MED26: variants seen among roughly 807,000 people sequenced by gnomAD.
The protein encoded by MED26 is mediator of RNA polymerase II transcription subunit 26.
A neutral mutation model predicts 43.7 loss-of-function variants in MED26; 7 were observed. The ratio of observed to expected loss-of-function variants is 0.16; its 90% CI spans 0.09 to 0.30. The LOEUF is 0.30. MED26 is among the 10% of genes least tolerant of loss of function. The probability of loss-of-function intolerance (pLI) is 1.00; values close to 1 mark genes in which losing one functional copy is unlikely to be tolerated. For missense variants in MED26, 784 were observed against 840.6 expected (o/e 0.93, Z 0.83); for synonymous variants, 375 against 371.1 (o/e 1.01, Z -0.12).
At position 16,586,672 on chromosome 19, in the gene MED26, G is replaced by C. The variant is rs953089482; in HGVS notation, c.73-8263C>G. Among the ~76,000 whole-genome samples the C allele has an allele frequency of 6.6e-6, 1 of 152,188 alleles. No individual in the cohort carries two copies. Among genetic ancestry groups the C allele is most frequent in the African/African-American group, 2.4e-5 (1 of 41,436 alleles). ...CCACTCCCCACCGGGCTGGCCCTGG[G>C]AACAGTGCACATGGAGCACAGACTG... On this transcript the variant is annotated intron_variant, in intron 1 of 2. Transcript: ENST00000263390. This position sits in a 1 kb window ranked among gnomAD's most constrained non-coding sequence, Gnocchi z 5.1.
intron 1 of MED26, among the ~76,000 whole-genome samples, chr19:16,605,946 C>T (rs1408400449): frequency 1.3e-5 from 2 of 152,204 alleles, no homozygotes; most frequent in African/African-American, 2.4e-5. Context: ...TCACTGTGTG[C>T]GGATATTCGT....
Position 16,620,678 on chromosome 19 carries a change from T to C in MED26, c.72+7194A>G, listed in dbSNP as rs906543054. Among the ~76,000 whole-genome samples, 10 of 152,322 alleles carry C rather than the reference T, an allele frequency of 6.6e-5. 1 individual carries two copies. In the South Asian group the frequency reaches 2.1e-3, roughly 32 times the overall value. Reference sequence around the variant, plus strand: ...GGTTCCTGAGGGAGACGGTCTTGGATTAAGCCAGGTAAGGTTTCAGAAAAG... The same window carrying C: ...GGTTCCTGAGGGAGACGGTCTTGGACTAAGCCAGGTAAGGTTTCAGAAAAG... On this transcript the variant is annotated intron_variant, in intron 1 of 2. Coordinates refer to ENST00000263390, the MANE Select transcript of MED26 (RefSeq NM_004831.5).
chr19:16,600,895 G>A (rs2086145392), intron 1 of MED26, among the ~76,000 whole-genome samples: 1 of 152,108 alleles, frequency 6.6e-6, no homozygotes, highest in Non-Finnish European at 1.5e-5. Flanking sequence ...GGAGTTCAAG[G>A]CCAGCCTGGC....
At position 16,627,929 on chromosome 19, in the gene MED26, C is replaced by G. The variant is rs1280943125; in HGVS notation, c.15G>C (p.Pro5=). The change falls in exon 1 of 3, where the codon CCG becomes CCC. Residue 5 remains proline (P), a synonymous_variant. Coordinates refer to ENST00000263390, the MANE Select transcript of MED26 (RefSeq NM_004831.5). MTAA[P]ASPQQIRDRL... is the part of the protein sequence containing the mutation. ...GGTCCCTGATCTGCTGCGGAGACGC[C>G]GGAGCCGCTGTCATTGCCTGGGCGA... The G allele has an allele frequency of 6.7e-7, 1 of 1,486,278 alleles. No homozygotes were observed. Among genetic ancestry groups the G allele is most frequent in the Admixed American group, 2.2e-5 (1 of 46,008 alleles). 92.1% of individuals were successfully genotyped at this position (1,486,278 alleles called of 1,614,324 possible).
intron 1 of MED26, among the ~76,000 whole-genome samples, chr19:16,621,436 T>C (rs1450403817): frequency 1.3e-5 from 2 of 152,336 alleles, no homozygotes; most frequent in Non-Finnish European, 2.9e-5. Flanking sequence ...TAACTCTGCA[T>C]GCAGGGGAAA....
At chr19:16,627,637 T>C (rs1415356557) in intron 1 of MED26, among the ~76,000 whole-genome samples, 1 of 152,210 alleles carries the variant, frequency 6.6e-6, no homozygotes, top group African/African-American at 2.4e-5. Flanking sequence ...CTCCCCCGTC[T>C]GCTTCCTCCG....
chr19:16,605,816 T>C (rs1262177679), intron 1 of MED26, among the ~76,000 whole-genome samples: 1 of 152,180 alleles, frequency 6.6e-6, no homozygotes, highest in Non-Finnish European at 1.5e-5. Flanking sequence ...ATTCATCCTG[T>C]AAATGGATGA....
In MED26 at chr19:16,587,322, C is replaced by G. The variant is rs1055134195; in HGVS notation, c.73-8913G>C. 2 of 152,344 alleles carry G rather than the reference C, an allele frequency of 1.3e-5. No individual in the cohort carries two copies. The highest frequency in any genetic ancestry group is 2.4e-5 in the African/African-American group (1 of 41,426). The allele number at this position is 152,344 out of a possible 1,614,324, so 9.4% of individuals were successfully genotyped here. A position where few individuals can be genotyped will look rare whatever the true frequency, so the allele number is the denominator to read the frequency against. On this transcript the variant is annotated intron_variant, in intron 1 of 2. Transcript: ENST00000263390. The surrounding 1 kb of genome is among the most constrained non-coding windows in gnomAD (Gnocchi z 4.9). Reference sequence around the variant, plus strand: ...CAAGAGGCGGCACCTGCATCCCCACCCCACCTCCACCCCAAGACCCCAGCT... The same window carrying G: ...CAAGAGGCGGCACCTGCATCCCCACGCCACCTCCACCCCAAGACCCCAGCT...
At chr19:16,624,865 T>A (rs140391743) in intron 1 of MED26, among the ~76,000 whole-genome samples, 1 of 152,306 alleles carries the variant, frequency 6.6e-6, no homozygotes, top group Non-Finnish European at 1.5e-5. Flanking sequence ...GCCTAATGCT[T>A]CTGCTCTAGA....
chr19:16,588,424 G>A (rs758471560), intron 1 of MED26: 1 of 152,374 alleles, frequency 6.6e-6, no homozygotes, highest in Non-Finnish European at 1.5e-5. Context: ...CAAGCACAGA[G>A]ATGCACACAA....
chr19:16,599,285 G>A (rs1009762492), intron 1 of MED26, among the ~76,000 whole-genome samples: 19 of 152,114 alleles, frequency 1.2e-4, no homozygotes, highest in Non-Finnish European at 2.1e-4. Context: ...TCACCTACAA[G>A]CCCATAAAGT....
chr19:16,577,662 G>A lies in MED26; in HGVS notation c.168C>T (p.Leu56=). The part of the protein sequence containing the change: ...EALEETRLGK[L]INDVRKKTKN... ...TGGTTTTCTTGCGGACGTCGTTGAT[G>A]AGCTTCCCAAGTCGTGTTTCCTACA... Residue 56 remains leucine, a synonymous_variant, in exon 3 of 3, where the codon CTC becomes CTT. Transcript: ENST00000263390. The surrounding 1 kb of genome is among the most constrained non-coding windows in gnomAD (Gnocchi z 8.1). The A allele has an allele frequency of 1.3e-6, 2 of 1,578,018 alleles. No individual in the cohort carries two copies. Among genetic ancestry groups the A allele is most frequent in the African/African-American group, 1.4e-5 (1 of 73,634 alleles).
rs540050626 is a variant in MED26, at chr19:16,627,817, G to A, written c.72+55C>T. 4 of 1,334,488 alleles carry A rather than the reference G, an allele frequency of 3.0e-6. No individual in the cohort carries two copies. In the South Asian group the frequency reaches 4.5e-5, roughly 15 times the overall value. The allele number at this position is 1,334,488 out of a possible 1,614,324, so 82.7% of individuals were successfully genotyped here. A position where few individuals can be genotyped will look rare whatever the true frequency, so the allele number is the denominator to read the frequency against. ...CGGTGGGCGAGGGGTACAGGAGAGG[G>A]GGAGGGTCCCGGGCCCATGCGGCCT... On this transcript the variant is annotated intron_variant, in intron 1 of 2. Coordinates refer to ENST00000263390, the MANE Select transcript of MED26 (RefSeq NM_004831.5).
In MED26 at chr19:16,577,809, C is replaced by T; in HGVS notation, c.148-127G>A. On this transcript the variant is annotated intron_variant, in intron 2 of 2. Transcript: ENST00000263390. This position sits in a 1 kb window ranked among gnomAD's most constrained non-coding sequence, Gnocchi z 8.1. ...TTCCCACTGAGCCCTAAACTGCCAG[C>T]TTCCCTGACACAAAACTTCTGGGGA... 1.6e-6 allele frequency: 1 copy of T among 644,420 alleles called. No homozygotes were observed. The allele number at this position is 644,420 out of a possible 1,614,324, so 39.9% of individuals were successfully genotyped here.
At chr19:16,591,573 C>A (rs1246526697) in intron 1 of MED26, among the ~76,000 whole-genome samples, 2 of 152,182 alleles carry the variant, frequency 1.3e-5, no homozygotes. Flanking sequence ...CAAGGCTGAA[C>A]TTACACACAC....
chr19:16,577,466 T>C lies in MED26; in HGVS notation c.364A>G (p.Arg122Gly). The C allele has an allele frequency of 6.3e-7, 1 of 1,590,702 alleles. No individual in the cohort carries two copies. The change falls in exon 3 of 3, where the codon AGG becomes GGG. Residue 122 changes from arginine to glycine, a missense_variant. Around this residue, in one of 3 missense-constraint regions of MED26, gnomAD observed 719 missense variants for 730.9 expected, o/e 0.98. Transcript: ENST00000263390. The surrounding 1 kb of genome is among the most constrained non-coding windows in gnomAD (Gnocchi z 8.1). Reference sequence around the variant, plus strand: ...CGGCTCTTCAGGTCATGGATGCTCCTGGGTGGGCCAGCCGCCCCCACCTCC... The same window carrying C: ...CGGCTCTTCAGGTCATGGATGCTCCCGGGTGGGCCAGCCGCCCCCACCTCC... ...RPEVGAAGPP[R>G]SIHDLKSRND...
intron 1 of MED26, among the ~76,000 whole-genome samples, chr19:16,579,140 C>G (rs1409946526): frequency 6.6e-6 from 1 of 152,078 alleles, no homozygotes; most frequent in East Asian, 1.9e-4. Flanking sequence ...ACCAGTCAAT[C>G]TGAATCCAAA....
intron 1 of MED26, among the ~76,000 whole-genome samples, chr19:16,581,022 T>C (rs1297237800): frequency 6.6e-6 from 1 of 152,196 alleles, no homozygotes. Flanking sequence ...GCCTCATGGA[T>C]TCTGGCTTTT....
At chr19:16,624,944 T>C (rs2086267604) in intron 1 of MED26, among the ~76,000 whole-genome samples, 1 of 152,090 alleles carries the variant, frequency 6.6e-6, no homozygotes, top group African/African-American at 2.4e-5. Context: ...AGCTCATACC[T>C]CCACAGAACG....
Sources: allele counts gnomAD v4.1 joint callset (sites outside exome capture counted in the v4.1 genomes callset), GRCh38; gene constraint gnomAD v4.1.1; regional missense constraint gnomAD v4.1.1; non-coding constraint Gnocchi (gnomAD v3.1); transcripts MANE v1.5; gene names NCBI Gene and HGNC (gene_info 2026-07-23, HGNC 2026-07-21).